Variants in GPSM1 observed in about 807,000 individuals in gnomAD.
GPSM1 encodes the protein G protein signaling modulator 1, also known as G protein-signaling modulator 1.
GPSM1 carries 48 observed loss-of-function variants against 70.5 expected under a neutral mutation model. The observed-to-expected ratio is 0.68, with a 90% CI of 0.54 to 0.87. The LOEUF (loss-of-function observed/expected upper bound fraction) is 0.87. Among genes scored for constraint, GPSM1 ranks in the 40% least tolerant of loss-of-function variants. The pLI is 0.00. For missense variants in GPSM1, 981 were observed against 972.6 expected (o/e 1.01, Z -0.11); for synonymous variants, 416 against 430.1 (o/e 0.97, Z 0.41).
In GPSM1 at chr9:136,358,106, G is replaced by C. The variant is rs1157159465; in HGVS notation, c.1914G>C (p.Gln638His). ...MPDEDFFSLI[Q>H]RVQAKRMDEQ... ...ACGAGGACTTCTTCAGCCTCATTCA[G>C]AGGGTGCAGGCTAAGCGCATGGACG... The change falls in exon 14 of 14, where the codon CAG becomes CAC. Residue 638 changes from glutamine to histidine, a missense_variant. Physicochemically the swap from Gln to His is conservative, Grantham distance 24. Coordinates refer to ENST00000440944, the MANE Select transcript of GPSM1 (RefSeq NM_001145638.3). 2 of 1,612,552 alleles carry C rather than the reference G, an allele frequency of 1.2e-6. No homozygotes were observed. The highest frequency in any genetic ancestry group is 1.3e-5 in the African/African-American group (1 of 74,918).
chr9:136,327,656 C>A lies in GPSM1; in HGVS notation c.-40C>A, dbSNP rs1303165130. 1.3e-6 allele frequency: 1 copy of A among 760,096 alleles called. No individual in the cohort carries two copies. The allele number at this position is 760,096 out of a possible 1,614,324, so 47.1% of individuals were successfully genotyped here. On this transcript the variant is annotated 5_prime_UTR_variant, in exon 1 of 14. Transcript: ENST00000440944. ...GGGCAGGGGGCGGACGGCCACGGCGCGGGGGGCGCTCCCGGCTCCCGCTCC... is the reference window on the plus strand; with the variant it reads ...GGGCAGGGGGCGGACGGCCACGGCGAGGGGGGCGCTCCCGGCTCCCGCTCC...
rs1832906302 is a variant in GPSM1 at position 136,358,442 on chromosome 9, GCC to G, written c.*225_*226del. 5 of 568,322 alleles carry G rather than the reference GCC, an allele frequency of 8.8e-6. No individual in the cohort carries two copies. In the South Asian group the frequency reaches 1.1e-4, roughly 13 times the overall value. The allele number at this position is 568,322 out of a possible 1,614,324, so 35.2% of individuals were successfully genotyped here. ...CATGGCCCTCAGCTTCCTCCCTTCT[GCC>G]CCTGCCGCAGGCCGGACGGGGCCTT... On this transcript the variant is annotated 3_prime_UTR_variant, in exon 14 of 14. Coordinates refer to ENST00000440944, the MANE Select transcript of GPSM1 (RefSeq NM_001145638.3).
Position 136,341,334 on chromosome 9 carries a change from G to A in GPSM1, c.1207+341G>A. ...TCTGTCCTCAGACCCAAGTAGGAGA[G>A]GGCTGCTGGGAGGCGAGAGGGCATC... On this transcript the variant is annotated intron_variant, in intron 9 of 13. Transcript: ENST00000440944. This position sits in a 1 kb window ranked among gnomAD's most constrained non-coding sequence, Gnocchi z 6.7. 7.0e-7 allele frequency: 1 copy of A among 1,438,134 alleles called. No individual in the cohort carries two copies. Among genetic ancestry groups the A allele is most frequent in the South Asian group, 1.5e-5 (1 of 67,194 alleles). 89.1% of individuals were successfully genotyped at this position (1,438,134 alleles called of 1,614,324 possible). A position where few individuals can be genotyped will look rare whatever the true frequency, so the allele number is the denominator to read the frequency against.
In GPSM1 at chr9:136,341,772, G is replaced by T. The variant is rs1013323044; in HGVS notation, c.1207+779G>T. On this transcript the variant is annotated intron_variant, in intron 9 of 13. Coordinates refer to ENST00000440944, the MANE Select transcript of GPSM1 (RefSeq NM_001145638.3). This position sits in a 1 kb window ranked among gnomAD's most constrained non-coding sequence, Gnocchi z 6.7. ...CAGGCTGGGAACACCAGGCTTGGATGTGGTGCTGGGCTGCCGGAGTTTCTT... is the reference window on the plus strand; with the variant it reads ...CAGGCTGGGAACACCAGGCTTGGATTTGGTGCTGGGCTGCCGGAGTTTCTT... The T allele has an allele frequency of 5.1e-6, 5 of 985,718 alleles. No homozygotes were observed. In the African/African-American group the frequency reaches 8.7e-5, roughly 17 times the overall value. 61.1% of individuals were successfully genotyped at this position (985,718 alleles called of 1,614,324 possible).
chr9:136,336,176 C>T lies in GPSM1; in HGVS notation c.426+75C>T, dbSNP rs973202316. The T allele has an allele frequency of 1.1e-5, 16 of 1,449,636 alleles. No individual in the cohort carries two copies. The highest frequency in any genetic ancestry group is 7.5e-5 in the Admixed American group (4 of 53,636). The allele number at this position is 1,449,636 out of a possible 1,614,324, so 89.8% of individuals were successfully genotyped here. On this transcript the variant is annotated intron_variant, in intron 3 of 13. Transcript: ENST00000440944. ...CGTCCAGATCCGGGATAGGGGCGGG[C>T]GGGTGACTCACCACTCATCCAGCTC... is the stretch of plus-strand genomic sequence containing the variant.
At chr9:136,350,140 C>T (rs1327321811) in intron 11 of GPSM1, among the ~76,000 whole-genome samples, 10 of 152,334 alleles carry the variant, frequency 6.6e-5, no homozygotes, top group Admixed American at 3.9e-4. Context: ...CAGCCCCCAC[C>T]CTCCTTTGTT....
chr9:136,357,963 G>A (rs782324041), intron 13 of GPSM1, 51 bp from the exon 14 acceptor site: 1 of 1,462,468 alleles, frequency 6.8e-7, no homozygotes, highest in Non-Finnish European at 9.6e-7. Context: ...ACCAGCCCCG[G>A]ACCACTGGGG....
Position 136,356,353 on chromosome 9 carries a change from A to G in GPSM1, c.1624A>G (p.Met542Val). ...TLEDRIAQPS[M>V]TASPQTEEFF... Reference sequence around the variant, plus strand: ...CTGGCCCCCCGCAGCCCAGCCCTCGATGACGGCCTCGCCCCAGACCGAGGA... The same window carrying G: ...CTGGCCCCCCGCAGCCCAGCCCTCGGTGACGGCCTCGCCCCAGACCGAGGA... The change falls in exon 13 of 14, where the codon ATG (methionine) becomes GTG (valine). Residue 542 changes from methionine (M) to valine (V), a missense_variant. By Grantham distance (21) the Met-to-Val change is conservative (BLOSUM62 1). Coordinates refer to ENST00000440944, the MANE Select transcript of GPSM1 (RefSeq NM_001145638.3). 3 of 1,590,436 alleles carry G rather than the reference A, an allele frequency of 1.9e-6. No homozygotes were observed. The highest frequency in any genetic ancestry group is 2.6e-6 in the Non-Finnish European group (3 of 1,166,584).
chr9:136,338,518 CCCTCCT>C, intron 6 of GPSM1, 31 bp from the exon 7 acceptor site: 1 of 1,583,712 alleles, frequency 6.3e-7, no homozygotes, highest in Non-Finnish European at 8.6e-7. Context: ...CACCCTGGAG[CCCTCCT>C]CCTGGGGGCT....
rs1832369690 is a variant in GPSM1, at chr9:136,340,827, C to T, written c.1084-43C>T. 3.9e-6 allele frequency: 6 copies of T among 1,527,328 alleles called. No individual in the cohort carries two copies. Among genetic ancestry groups the T allele is most frequent in the Non-Finnish European group, 8.8e-7 (1 of 1,141,266 alleles). The allele number at this position is 1,527,328 out of a possible 1,614,324, so 94.6% of individuals were successfully genotyped here. A position where few individuals can be genotyped will look rare whatever the true frequency, so the allele number is the denominator to read the frequency against. On this transcript the variant is annotated intron_variant, in intron 8 of 13. Transcript: ENST00000440944. The surrounding 1 kb of genome is among the most constrained non-coding windows in gnomAD (Gnocchi z 7.3). ...GGTCCCCTTGGAGCCCACAGCAGGG[C>T]CCCCAGCCACACCTGCCCGCTCCGC...
chr9:136,349,535 G>C, intron 10 of GPSM1, 52 bp from the exon 11 acceptor site: 2 of 1,485,848 alleles, frequency 1.3e-6, no homozygotes, highest in Admixed American at 2.1e-5. Flanking sequence ...TCCTGGGATG[G>C]GGACATTGGT....
intron 11 of GPSM1, among the ~76,000 whole-genome samples, chr9:136,350,944 T>C (rs1251073755): frequency 6.6e-6 from 1 of 152,096 alleles, no homozygotes; most frequent in Admixed American, 6.5e-5. Flanking sequence ...CTGGCAGGTG[T>C]CAGCTGTGCC....
In GPSM1 at chr9:136,338,713, G is replaced by A. The variant is rs1186398961; in HGVS notation, c.974+3G>A. The A allele has an allele frequency of 3.2e-6, 5 of 1,546,912 alleles. No individual in the cohort carries two copies. The highest frequency in any genetic ancestry group is 2.4e-5 in the East Asian group (1 of 41,402). ...ATTGCCCAGGAGCTGGCCGACAGGT[G>A]CGTGGGCGCGGACGCGGCGGGCAGA... On this transcript the variant is annotated splice_donor_region_variant and intron_variant, in intron 7 of 13. Coordinates refer to ENST00000440944, the MANE Select transcript of GPSM1 (RefSeq NM_001145638.3).
chr9:136,345,159 G>A (rs926034843), intron 9 of GPSM1, among the ~76,000 whole-genome samples: 8 of 152,306 alleles, frequency 5.3e-5, no homozygotes, highest in Admixed American at 2.0e-4. Flanking sequence ...TGAGGGGTCC[G>A]GCAGGCACAG....
chr9:136,348,792 G>GT (rs1832587583), intron 10 of GPSM1, 25 bp downstream of exon 10: 2 of 1,573,562 alleles, frequency 1.3e-6, no homozygotes, highest in East Asian at 4.5e-5. Context: ...CGGGACCGAT[G>GT]TCAGCACAGC....
chr9:136,358,431 T>C lies in GPSM1; in HGVS notation c.*211T>C, dbSNP rs898866988. The C allele has an allele frequency of 3.5e-6, 2 of 573,706 alleles. No individual in the cohort carries two copies. Among genetic ancestry groups the C allele is most frequent in the Non-Finnish European group, 3.0e-6 (1 of 329,854 alleles). 35.5% of individuals were successfully genotyped at this position (573,706 alleles called of 1,614,324 possible). A position where few individuals can be genotyped will look rare whatever the true frequency, so the allele number is the denominator to read the frequency against. The stretch of plus-strand genomic sequence containing the variant: ...GGGCTGGCCCCCATGGCCCTCAGCT[T>C]CCTCCCTTCTGCCCCTGCCGCAGGC... On this transcript the variant is annotated 3_prime_UTR_variant, in exon 14 of 14. Coordinates refer to ENST00000440944, the MANE Select transcript of GPSM1 (RefSeq NM_001145638.3).
chr9:136,342,647 G>C lies in GPSM1; in HGVS notation c.1207+1654G>C, dbSNP rs566776091. 5.4e-4 allele frequency among the ~76,000 whole-genome samples: 83 copies of C among 152,300 alleles called. 1 individual carries two copies. The highest frequency in any genetic ancestry group is 1.9e-3 in the African/African-American group (80 of 41,582). Reference sequence around the variant, plus strand: ...CTCAGCTGAGCCTGGCAGGGACAGGGCCTTGAGGCCGGGAGTCTGGACCCG... The same window carrying C: ...CTCAGCTGAGCCTGGCAGGGACAGGCCCTTGAGGCCGGGAGTCTGGACCCG... On this transcript the variant is annotated intron_variant, in intron 9 of 13. Transcript: ENST00000440944. This position sits in a 1 kb window ranked among gnomAD's most constrained non-coding sequence, Gnocchi z 5.5.
intron 10 of GPSM1, among the ~76,000 whole-genome samples, chr9:136,349,091 T>A (rs1207326227): frequency 6.6e-6 from 1 of 152,248 alleles, no homozygotes; most frequent in Non-Finnish European, 1.5e-5. Context: ...TCTCGGACTC[T>A]GACCCAAAGT....
intron 11 of GPSM1, among the ~76,000 whole-genome samples, chr9:136,351,177 C>T (rs1471667240): frequency 2.6e-5 from 4 of 152,204 alleles, no homozygotes; most frequent in Admixed American, 2.6e-4. Context: ...ATCCTTCCCA[C>T]CAGCAGGGCA....
Sources: gnomAD v4.1 joint callset for allele counts (sites outside exome capture counted in the v4.1 genomes callset) on GRCh38, gnomAD v4.1.1 for gene constraint, Gnocchi (gnomAD v3.1) non-coding constraint, MANE v1.5 for transcripts, NCBI Gene and HGNC (gene_info 2026-07-23, HGNC 2026-07-21) for gene names.